Variants in DCHS2 observed in about 807,000 individuals in gnomAD.
The protein encoded by DCHS2 is dachsous cadherin-related 2, also known as protocadherin-23.
A neutral mutation model predicts 182.4 loss-of-function variants in DCHS2; 142 were observed. The ratio of observed to expected loss-of-function variants is 0.78; its 90% CI spans 0.68 to 0.89. DCHS2 has a LOEUF of 0.89. DCHS2 is among the 40% of genes least tolerant of loss of function. The pLI, the probability that DCHS2 is intolerant of heterozygous loss-of-function variation, is 0.00. For synonymous variants in DCHS2, 1,740 were observed against 1,663.3 expected (o/e 1.05, Z -1.12); for missense variants, 4,319 against 4,198.6 (o/e 1.03, Z -0.79).
chr4:154,369,735 CT>C (rs1730553056), intron 2 of DCHS2, among the ~76,000 whole-genome samples: 1 of 152,074 alleles, frequency 6.6e-6, no homozygotes, highest in African/African-American at 2.4e-5. Flanking sequence ...CTTATCATTT[CT>C]TTTTCCACTG....
chr4:154,340,408 A>G (rs1365376041), intron 3 of DCHS2, among the ~76,000 whole-genome samples: 2 of 152,234 alleles, frequency 1.3e-5, no homozygotes, highest in Non-Finnish European at 2.9e-5. Flanking sequence ...CATACAGCAA[A>G]TGTGAAGTCT....
chr4:154,412,309 C>T (rs1489541835), intron 1 of DCHS2, among the ~76,000 whole-genome samples: 2 of 152,150 alleles, frequency 1.3e-5, no homozygotes, highest in African/African-American at 2.4e-5. Flanking sequence ...CTGTAGACGA[C>T]CCAACAACGT....
At chr4:154,275,672 G>T (rs1733821333) in intron 13 of DCHS2, among the ~76,000 whole-genome samples, 2 of 152,056 alleles carry the variant, frequency 1.3e-5, no homozygotes, top group African/African-American at 4.8e-5. Context: ...CAACTGGCTT[G>T]TCATATAAGT....
chr4:154,275,746 CT>C (rs1376986334), intron 13 of DCHS2, among the ~76,000 whole-genome samples: 1 of 151,936 alleles, frequency 6.6e-6, no homozygotes, highest in Non-Finnish European at 1.5e-5. Flanking sequence ...TGCTGACGGC[CT>C]TTTTTTCATG....
At position 154,239,302 on chromosome 4, in the gene DCHS2, C is replaced by T. The variant is rs746688768; in HGVS notation, c.7360G>A (p.Val2454Ile). 2 of 1,611,226 alleles carry T rather than the reference C, an allele frequency of 1.2e-6. No individual in the cohort carries two copies. Among genetic ancestry groups the T allele is most frequent in the Non-Finnish European group, 1.7e-6 (2 of 1,179,158 alleles). ...PPVFSQDFYQ[V>I]TVPESIPVGY... ...ACAGGTATTGATTCAGGAACTGTGA[C>T]CTGAGGGAAAAAGAGAAAAATAGGG... Residue 2454 changes from valine to isoleucine, a missense_variant and splice_region_variant, in exon 19 of 20, where the codon GTC becomes ATC. By Grantham distance (29) the Val-to-Ile change is conservative (BLOSUM62 3). Transcript: ENST00000357232.
At chr4:154,254,329 C>T (rs948920097) in intron 16 of DCHS2, among the ~76,000 whole-genome samples, 1 of 152,156 alleles carries the variant, frequency 6.6e-6, no homozygotes, top group African/African-American at 2.4e-5. Flanking sequence ...TGCGGGTGTG[C>T]TTTTACTCAA....
chr4:154,343,448 C>T (rs1729204874), intron 3 of DCHS2: 2 of 1,393,688 alleles, frequency 1.4e-6, no homozygotes, highest in Non-Finnish European at 1.9e-6. Context: ...CATTGAAAAT[C>T]TATTGTTTAG....
chr4:154,262,187 T>G (rs1284651475), intron 14 of DCHS2: 1 of 152,242 alleles, frequency 6.6e-6, no homozygotes, highest in African/African-American at 2.4e-5. Context: ...TGTTTAGGCT[T>G]TGATAATTGG....
intron 15 of DCHS2, among the ~76,000 whole-genome samples, chr4:154,258,364 A>AG (rs1476304016): frequency 7.7e-6 from 1 of 129,402 alleles, no homozygotes; most frequent in Non-Finnish European, 1.6e-5. Context: ...AGTAAAAGAA[A>AG]GGCTTTTTTT....
chr4:154,491,525 C>G lies in DCHS2; in HGVS notation c.-170G>C. ...AGGTTACATCTGCAACTGGTGAAAG[C>G]GTCCTCTGCCTGCAGCTCACGCAGA... On this transcript the variant is annotated 5_prime_UTR_variant, in exon 1 of 20. Transcript: ENST00000357232. 1 of 1,397,356 alleles carries G rather than the reference C, an allele frequency of 7.2e-7. No homozygotes were observed. Among genetic ancestry groups the G allele is most frequent in the South Asian group, 1.8e-5 (1 of 56,948 alleles). 86.6% of individuals were successfully genotyped at this position (1,397,356 alleles called of 1,614,324 possible).
intron 1 of DCHS2, among the ~76,000 whole-genome samples, chr4:154,460,521 G>C (rs1734968983): frequency 6.6e-6 from 1 of 152,132 alleles, no homozygotes; most frequent in African/African-American, 2.4e-5. Flanking sequence ...GACCTCATGG[G>C]GTTGTAGTGA....
chr4:154,446,709 A>G (rs1251781664), intron 1 of DCHS2, among the ~76,000 whole-genome samples: 1 of 152,134 alleles, frequency 6.6e-6, no homozygotes, highest in East Asian at 1.9e-4. Context: ...GGGACCTACA[A>G]TGCTGCCTCT....
intron 10 of DCHS2, among the ~76,000 whole-genome samples, chr4:154,306,476 G>A (rs1314648261): frequency 6.6e-6 from 1 of 151,942 alleles, no homozygotes; most frequent in Non-Finnish European, 1.5e-5. Flanking sequence ...GTTAAAATTT[G>A]TTATTCCTAT....
chr4:154,245,123 C>T (rs1440382958), intron 16 of DCHS2, among the ~76,000 whole-genome samples: 1 of 152,072 alleles, frequency 6.6e-6, no homozygotes, highest in Non-Finnish European at 1.5e-5. Flanking sequence ...GGAAAAGGTT[C>T]CTCAATGACT....
In DCHS2 at chr4:154,377,437, G is replaced by C; in HGVS notation, c.2060C>G (p.Ala687Gly). Residue 687 changes from alanine (A) to glycine (G), a missense_variant, in exon 2 of 20, where the codon GCC (alanine) becomes GGC (glycine). By Grantham distance (60) the Ala-to-Gly change is moderately conservative. Coordinates refer to ENST00000357232, the MANE Select transcript of DCHS2 (RefSeq NM_001358235.2). ...PVGHCFLQVT[A>G]SDADSGLYGF... ...ATAGAGTCCTGAATCTGCATCAGAGGCTGTCACCTGTGAGACAGGAGGGTG... is the reference window on the plus strand; with the variant it reads ...ATAGAGTCCTGAATCTGCATCAGAGCCTGTCACCTGTGAGACAGGAGGGTG... 2 of 1,610,844 alleles carry C rather than the reference G, an allele frequency of 1.2e-6. No homozygotes were observed. The highest frequency in any genetic ancestry group is 2.2e-5 in the South Asian group (2 of 90,646).
intron 1 of DCHS2, among the ~76,000 whole-genome samples, chr4:154,484,342 T>C (rs1409423893): frequency 1.3e-5 from 2 of 151,992 alleles, no homozygotes. Flanking sequence ...AGATGACTCT[T>C]CCTAAAACGT....
intron 3 of DCHS2, chr4:154,355,714 G>C (rs1729829900): frequency 6.6e-6 from 1 of 152,014 alleles, no homozygotes; most frequent in Admixed American, 6.6e-5. Flanking sequence ...CACTTACGAT[G>C]GTGGTCCCAT....
chr4:154,366,328 T>A lies in DCHS2; in HGVS notation c.2358A>T (p.Pro786=), dbSNP rs767903439. The A allele has an allele frequency of 6.2e-7, 1 of 1,613,674 alleles. No individual in the cohort carries two copies. Among genetic ancestry groups the A allele is most frequent in the Non-Finnish European group, 8.5e-7 (1 of 1,179,830 alleles). Residue 786 remains proline, a synonymous_variant, in exon 3 of 20, where the codon CCA becomes CCT. Transcript: ENST00000357232. ...CAAGAACATTGATGATCTCGGTGCCTGGCTGGGTCTCATCACTGATGCTCG... is the reference window on the plus strand; with the variant it reads ...CAAGAACATTGATGATCTCGGTGCCAGGCTGGGTCTCATCACTGATGCTCG... The part of the protein sequence containing the change: ...YVTSISDETQ[P]GTEIINVLAT...
At chr4:154,285,600 T>A (rs1734358500) in intron 13 of DCHS2, among the ~76,000 whole-genome samples, 1 of 152,164 alleles carries the variant, frequency 6.6e-6, no homozygotes, top group Admixed American at 6.5e-5. Context: ...CAGACAGTAT[T>A]CCTCATGGGC....
Sources: allele counts gnomAD v4.1 joint callset (sites outside exome capture counted in the v4.1 genomes callset), GRCh38; gene constraint gnomAD v4.1.1; transcripts MANE v1.5; gene names NCBI Gene and HGNC (gene_info 2026-07-23, HGNC 2026-07-21).